The following RBM19 variants were observed in gnomAD, a reference collection of about 807,000 sequenced individuals.
RBM19 encodes RNA binding motif protein 19.
Under a neutral mutation model 116.8 loss-of-function variants are expected in RBM19, and 94 were observed. That is an observed-to-expected ratio of 0.80 (90% CI 0.68 to 0.95). RBM19 has a LOEUF of 0.95. Ranked by LOEUF, RBM19 falls within the 40% of genes least tolerant of loss-of-function variation. The probability of loss-of-function intolerance (pLI) is 0.00; values close to 1 mark genes in which losing one functional copy is unlikely to be tolerated. For synonymous variants in RBM19, 475 were observed against 494.1 expected, an observed-to-expected ratio of 0.96 and a Z score of 0.51; for missense variants, 1,161 against 1,220.7, an observed-to-expected ratio of 0.95 and a Z score of 0.73.
chr12:113,930,046 G>A (rs1869465722), intron 16 of RBM19, among the ~76,000 whole-genome samples: 1 of 152,242 alleles, frequency 6.6e-6, no homozygotes, highest in South Asian at 2.1e-4. Flanking sequence ...ATTAAGAGAA[G>A]TAGGAAATCC....
chr12:113,885,354 C>T (rs1880443976), intron 21 of RBM19, among the ~76,000 whole-genome samples: 1 of 152,162 alleles, frequency 6.6e-6, no homozygotes, highest in African/African-American at 2.4e-5. Flanking sequence ...CTGGCTTGTA[C>T]TTTTCAAAAC....
intron 2 of RBM19, among the ~76,000 whole-genome samples, chr12:113,961,207 G>A (rs541873541): frequency 4.6e-4 from 70 of 151,054 alleles, no homozygotes; most frequent in Non-Finnish European, 8.4e-4. Context: ...TTTTATTTTT[G>A]TAAAGACGCA....
At chr12:113,932,650 C>T (rs969843757) in intron 16 of RBM19, 1 of 152,208 alleles carries the variant, frequency 6.6e-6, no homozygotes, top group Non-Finnish European at 1.5e-5. Context: ...GGCCATGAAG[C>T]CAAAGGTCAT....
At chr12:113,860,206 C>T (rs952660740) in intron 21 of RBM19, among the ~76,000 whole-genome samples, 22 of 152,160 alleles carry the variant, frequency 1.4e-4, no homozygotes, top group African/African-American at 5.1e-4. Flanking sequence ...GGGAGTGGAG[C>T]CCGGTCAGGT....
At position 113,824,331 on chromosome 12, in the gene RBM19, G is replaced by C. The variant is rs181087860; in HGVS notation, c.2786-1010C>G. Among the ~76,000 whole-genome samples the C allele has an allele frequency of 3.9e-4, 60 of 152,322 alleles. 3 individuals carry two copies. In the East Asian group the frequency reaches 0.011, roughly 29 times the overall value. ...CTTTTTATGAAAGTCTCGGGTTCTA[G>C]GCAGAGAACTCCAAGGGGATCAATG... On this transcript the variant is annotated intron_variant, in intron 23 of 23. Coordinates refer to ENST00000261741, the MANE Select transcript of RBM19 (RefSeq NM_016196.4).
intron 21 of RBM19, among the ~76,000 whole-genome samples, chr12:113,888,477 A>G (rs59392591): frequency 0.074 from 11,247 of 152,208 alleles, 695 homozygotes; most frequent in East Asian, 0.34. Flanking sequence ...CACTGTCCAC[A>G]TGATTTTAGG....
rs748863356 is a variant in RBM19 at position 113,914,880 on chromosome 12, C to G, written c.2558+89G>C. Reference sequence around the variant, plus strand: ...CCACTGTGCCGGCCTGCAACGGAACCATCCAGGACCCAAAGGCCATCTTCC... The same window carrying G: ...CCACTGTGCCGGCCTGCAACGGAACGATCCAGGACCCAAAGGCCATCTTCC... On this transcript the variant is annotated intron_variant, in intron 21 of 23. Coordinates refer to ENST00000261741, the MANE Select transcript of RBM19 (RefSeq NM_016196.4). 9 of 1,141,256 alleles carry G rather than the reference C, an allele frequency of 7.9e-6. No individual in the cohort carries two copies. The South Asian group carries it at 1.1e-4, about 14-fold the overall frequency. 70.7% of individuals were successfully genotyped at this position (1,141,256 alleles called of 1,614,324 possible).
At chr12:113,871,861 G>C (rs951191024) in intron 21 of RBM19, among the ~76,000 whole-genome samples, 2 of 152,030 alleles carry the variant, frequency 1.3e-5, no homozygotes, top group South Asian at 2.1e-4. Flanking sequence ...AGGAGCGGAC[G>C]GGCCCCGCGG....
intron 14 of RBM19, 61 bp downstream of exon 14, chr12:113,942,263 G>C (rs1566031699): frequency 9.0e-6 from 13 of 1,436,560 alleles, no homozygotes; most frequent in East Asian, 2.3e-5. Flanking sequence ...ATCTCCCCTG[G>C]AAAGGCCATT....
intron 21 of RBM19, among the ~76,000 whole-genome samples, chr12:113,868,460 A>C (rs1026809813): frequency 2.0e-5 from 3 of 152,220 alleles, no homozygotes; most frequent in Non-Finnish European, 2.9e-5. Context: ...ATATTGATAG[A>C]TATTCTATGT....
rs1447887839 is a variant in RBM19 at position 113,830,578 on chromosome 12, G to C, written c.2786-7257C>G. Among the ~76,000 whole-genome samples, 9 of 108,780 alleles carry C rather than the reference G, an allele frequency of 8.3e-5. 2 individuals carry two copies. Among genetic ancestry groups the C allele is most frequent in the South Asian group, 1.1e-3 (2 of 1,902 alleles). The allele number at this position is 108,780 out of a possible 152,430, so 71.4% of individuals were successfully genotyped here. Reference sequence around the variant, plus strand: ...ACCCTGAGCTAGGGCTGCGGGGCGGGGGGGGGGGGGGTGGGCTATGCCTGG... The same window carrying C: ...ACCCTGAGCTAGGGCTGCGGGGCGGCGGGGGGGGGGGTGGGCTATGCCTGG... On this transcript the variant is annotated intron_variant, in intron 23 of 23. Transcript: ENST00000261741.
chr12:113,935,308 A>G lies in RBM19; in HGVS notation c.2068+1699T>C, dbSNP rs548396387. On this transcript the variant is annotated intron_variant, in intron 16 of 23. Transcript: ENST00000261741. The stretch of plus-strand genomic sequence containing the variant: ...TCAAAGGAGAACTCGCTTTGGGCCA[A>G]AAAAAAAAAACATTACTTAGGTTCA... Among the ~76,000 whole-genome samples the G allele has an allele frequency of 1.2e-4, 18 of 144,164 alleles. No homozygotes were observed. The South Asian group carries it at 3.9e-3, about 32-fold the overall frequency. The allele number at this position is 144,164 out of a possible 152,430, so 94.6% of individuals were successfully genotyped here. A position where few individuals can be genotyped will look rare whatever the true frequency, so the allele number is the denominator to read the frequency against.
chr12:113,819,041 G>A (rs149492425), downstream of RBM19, among the ~76,000 whole-genome samples: 881 of 152,336 alleles, frequency 5.8e-3, 13 homozygotes, highest in African/African-American at 0.02. Context: ...GCCCGCTAGT[G>A]CCCACTGCTG....
chr12:113,860,832 C>G (rs987519687), intron 21 of RBM19, among the ~76,000 whole-genome samples: 1 of 152,180 alleles, frequency 6.6e-6, no homozygotes, highest in Non-Finnish European at 1.5e-5. Flanking sequence ...ATCTATCTTG[C>G]TCATCACTGG....
chr12:113,917,362 C>T (rs559493638), intron 20 of RBM19, among the ~76,000 whole-genome samples: 6 of 152,328 alleles, frequency 3.9e-5, no homozygotes, highest in Admixed American at 3.9e-4. Flanking sequence ...GTCACCCATG[C>T]AAGGTCACAG....
intron 23 of RBM19, among the ~76,000 whole-genome samples, 160 bp from the exon 24 acceptor site, chr12:113,823,481 T>G (rs930004): frequency 0.92 from 139,780 of 151,904 alleles, 64,316 homozygotes; most frequent in East Asian, 0.97. Context: ...AGAGGGAAGT[T>G]GGGGAGAGCG....
chr12:113,945,913 C>T lies in RBM19; in HGVS notation c.1541G>A (p.Trp514Ter), dbSNP rs765696006. The change falls in exon 13 of 24, where the codon TGG becomes TAG. Residue 514 changes from tryptophan to a stop codon, truncating the protein, a stop_gained. Coordinates refer to ENST00000261741, the MANE Select transcript of RBM19 (RefSeq NM_016196.4). LOFTEE classifies it high-confidence loss of function. ...ATTCGGCCCCATGAATAGTGTGTTC[C>T]AGTTGTGAGAGCTAAGAGGCAGAGG... ...DKANSASSHN[W>*]NTLFMGPNAV... The T allele has an allele frequency of 1.9e-6, 3 of 1,576,968 alleles. No individual in the cohort carries two copies. The highest frequency in any genetic ancestry group is 8.7e-7 in the Non-Finnish European group (1 of 1,146,202).
At position 113,947,472 on chromosome 12, in the gene RBM19, C is replaced by T. The variant is rs1566035903; in HGVS notation, c.1277-8G>A. ...GGAGCTCAGACAGGGGACCTGAGGA[C>T]AGGAGAAGTGTCGGTCTCTGGTAGG... On this transcript the variant is annotated splice_region_variant and splice_polypyrimidine_tract_variant and intron_variant, in intron 10 of 23. Coordinates refer to ENST00000261741, the MANE Select transcript of RBM19 (RefSeq NM_016196.4). 6.3e-7 allele frequency: 1 copy of T among 1,589,554 alleles called. No homozygotes were observed. The highest frequency in any genetic ancestry group is 8.6e-7 in the Non-Finnish European group (1 of 1,160,724).
intron 21 of RBM19, among the ~76,000 whole-genome samples, chr12:113,894,687 T>C (rs568140225): frequency 6.6e-6 from 1 of 152,266 alleles, no homozygotes; most frequent in Non-Finnish European, 1.5e-5. Flanking sequence ...GGAATCTACC[T>C]GCTTACAGAG....
Sources: allele counts gnomAD v4.1 joint callset (sites outside exome capture counted in the v4.1 genomes callset), GRCh38; gene constraint gnomAD v4.1.1; transcripts MANE v1.5; gene names NCBI Gene and HGNC (gene_info 2026-07-23, HGNC 2026-07-21).